TENT4B: variants seen among roughly 807,000 people sequenced by gnomAD.
The protein encoded by TENT4B is PAP associated domain containing 5.
A neutral mutation model predicts 75.0 loss-of-function variants in TENT4B; 10 were observed. That is an observed-to-expected ratio of 0.13 (90% CI 0.08 to 0.23). The LOEUF is 0.23. Ranked by LOEUF, TENT4B falls within the 10% of genes least tolerant of loss-of-function variation. TENT4B has a pLI of 1.00. For synonymous variants in TENT4B, 350 were observed against 357.7 expected (o/e 0.98, Z 0.24); for missense variants, 579 against 893.8 (o/e 0.65, Z 4.49).
intron 1 of TENT4B, among the ~76,000 whole-genome samples, chr16:50,198,828 C>T (rs1471776403): frequency 6.6e-6 from 1 of 152,172 alleles, no homozygotes; most frequent in Admixed American, 6.5e-5. Context: ...CTCGAATAGA[C>T]AGAAATAGCC....
chr16:50,190,424 G>GT (rs1212538161), intron 1 of TENT4B, among the ~76,000 whole-genome samples: 6 of 151,924 alleles, frequency 3.9e-5, no homozygotes, highest in Non-Finnish European at 7.4e-5. Context: ...GTTTCAGAAC[G>GT]TTTTTGCCCC....
At chr16:50,165,634 T>C (rs2150674728) in intron 1 of TENT4B, among the ~76,000 whole-genome samples, 1 of 152,324 alleles carries the variant, frequency 6.6e-6, no homozygotes, top group East Asian at 1.9e-4. Context: ...TCTGTCTCTG[T>C]GGATTTGTTT....
intron 1 of TENT4B, among the ~76,000 whole-genome samples, chr16:50,168,721 C>T (rs2038149825): frequency 6.6e-6 from 1 of 152,090 alleles, no homozygotes; most frequent in South Asian, 2.1e-4. Context: ...CCTGTGCTTA[C>T]TGTACCTTCT....
rs34751373 is a variant in TENT4B, at chr16:50,183,036, T to A, written c.639-28287T>A. ...ACCCGGCTTTCTTGTATTTTTTTTTTATTTTTATTTATTTATTTATTTTTG... is the reference window on the plus strand; with the variant it reads ...ACCCGGCTTTCTTGTATTTTTTTTTAATTTTTATTTATTTATTTATTTTTG... On this transcript the variant is annotated intron_variant, in intron 1 of 11. Transcript: ENST00000561678. Among the ~76,000 whole-genome samples the A allele has an allele frequency of 9.3e-3, 1,404 of 150,234 alleles. 12 individuals are homozygous for A. Among genetic ancestry groups the A allele is most frequent in the Middle Eastern group, 0.027 (8 of 292 alleles).
At chr16:50,206,737 A>G (rs1160373855) in intron 1 of TENT4B, among the ~76,000 whole-genome samples, 6 of 152,072 alleles carry the variant, frequency 3.9e-5, no homozygotes, top group East Asian at 1.9e-4. Context: ...AGAAGCTACT[A>G]AGCAACTCAC....
At chr16:50,198,815 G>A (rs190759731) in intron 1 of TENT4B, among the ~76,000 whole-genome samples, 2 of 152,308 alleles carry the variant, frequency 1.3e-5, no homozygotes, top group Non-Finnish European at 1.5e-5. Context: ...GGTAATCTGA[G>A]CCCTCGAATA....
At chr16:50,154,331 G>T in intron 1 of TENT4B, 72 bp downstream of exon 1, 2 of 1,380,102 alleles carry the variant, frequency 1.4e-6, no homozygotes, top group East Asian at 2.9e-5. Flanking sequence ...CCACAGAGGG[G>T]GGTTGTGAGG....
chr16:50,227,761 C>G (rs900540668), intron 10 of TENT4B, 78 bp from the exon 11 acceptor site: 2 of 1,523,610 alleles, frequency 1.3e-6, no homozygotes, highest in Non-Finnish European at 1.8e-6. Flanking sequence ...GTACTTTAAC[C>G]AAAATTGTTT....
intron 1 of TENT4B, among the ~76,000 whole-genome samples, chr16:50,194,280 A>G (rs1242203396): frequency 1.4e-5 from 2 of 145,620 alleles, no homozygotes; most frequent in African/African-American, 2.6e-5. Flanking sequence ...CAATGGTGCA[A>G]TCTCAGTTCA....
intron 1 of TENT4B, among the ~76,000 whole-genome samples, chr16:50,175,475 A>G (rs2038288100): frequency 6.6e-6 from 1 of 152,098 alleles, no homozygotes. Flanking sequence ...GAAAGATATA[A>G]GATCTATGTC....
chr16:50,232,568 G>A lies in TENT4B; in HGVS notation c.*3240G>A. ...TGGTAAGTGTGACTTGTGTTTGCCTGAACCTGTGGACTAGTGTTTGGGGTT... is the reference window on the plus strand; with the variant it reads ...TGGTAAGTGTGACTTGTGTTTGCCTAAACCTGTGGACTAGTGTTTGGGGTT... On this transcript the variant is annotated 3_prime_UTR_variant, in exon 12 of 12. Coordinates refer to ENST00000561678, the MANE Select transcript of TENT4B (RefSeq NM_001365324.3). The A allele has an allele frequency of 1.0e-6, 1 of 985,284 alleles. No homozygotes were observed. Among genetic ancestry groups the A allele is most frequent in the Non-Finnish European group, 1.2e-6 (1 of 829,918 alleles). 61.0% of individuals were successfully genotyped at this position (985,284 alleles called of 1,614,324 possible). A position where few individuals can be genotyped will look rare whatever the true frequency, so the allele number is the denominator to read the frequency against.
chr16:50,202,609 G>A (rs1286431527), intron 1 of TENT4B, among the ~76,000 whole-genome samples: 2 of 152,074 alleles, frequency 1.3e-5, no homozygotes, highest in African/African-American at 2.4e-5. Context: ...ACCATCAACC[G>A]TTCTTCTTTA....
intron 4 of TENT4B, among the ~76,000 whole-genome samples, chr16:50,216,749 G>A (rs945503513): frequency 1.3e-5 from 2 of 151,970 alleles, no homozygotes; most frequent in Non-Finnish European, 2.9e-5. Context: ...CTAACTCCTG[G>A]ACTCAAGTGA....
rs1039728740 is a variant in TENT4B at position 50,234,417 on chromosome 16, G to C, written c.*5089G>C. On this transcript the variant is annotated 3_prime_UTR_variant, in exon 12 of 12. Transcript: ENST00000561678. Reference sequence around the variant, plus strand: ...GGTTAGGCCATGCCTTTCAAAGAGAGTGAAATGATGGGTTATCAGCCACAT... The same window carrying C: ...GGTTAGGCCATGCCTTTCAAAGAGACTGAAATGATGGGTTATCAGCCACAT... 4.1e-6 allele frequency: 4 copies of C among 985,350 alleles called. No homozygotes were observed. The African/African-American group carries it at 5.2e-5, about 13-fold the overall frequency. The allele number at this position is 985,350 out of a possible 1,614,324, so 61.0% of individuals were successfully genotyped here. A position where few individuals can be genotyped will look rare whatever the true frequency, so the allele number is the denominator to read the frequency against.
intron 1 of TENT4B, among the ~76,000 whole-genome samples, chr16:50,155,272 G>GGGGTGTGT (rs377547594): frequency 0.014 from 1,844 of 135,470 alleles, 49 homozygotes; most frequent in African/African-American, 0.047. Flanking sequence ...GGGTCTCGTG[G>GGGGTGTGT]GTGTGTGTGT....
chr16:50,187,519 G>C (rs970569296), intron 1 of TENT4B, among the ~76,000 whole-genome samples: 1 of 152,162 alleles, frequency 6.6e-6, no homozygotes, highest in African/African-American at 2.4e-5. Context: ...GGAGGCGGAG[G>C]TTGCAGTGAG....
In TENT4B at chr16:50,231,681, T is replaced by C. The variant is rs1472337318; in HGVS notation, c.*2353T>C. On this transcript the variant is annotated 3_prime_UTR_variant, in exon 12 of 12. Transcript: ENST00000561678. ...TTCTTTTTGGTAAACAGTATCTTTCTAAAAGAAAAAAGCATGAAGGAGAAA... is the reference window on the plus strand; with the variant it reads ...TTCTTTTTGGTAAACAGTATCTTTCCAAAAGAAAAAAGCATGAAGGAGAAA... The C allele has an allele frequency of 2.0e-6, 2 of 985,680 alleles. No individual in the cohort carries two copies. The highest frequency in any genetic ancestry group is 3.5e-5 in the African/African-American group (2 of 57,238). 61.1% of individuals were successfully genotyped at this position (985,680 alleles called of 1,614,324 possible). A position where few individuals can be genotyped will look rare whatever the true frequency, so the allele number is the denominator to read the frequency against.
rs1404889070 is a variant in TENT4B, at chr16:50,154,197, C to T, written c.576C>T (p.Gly192=). ...CCGCGGGGGGCGGCCGAGCAGACGG[C>T]GGCGGGGTCGTGTACAGCGGGACCC... ...GRAAGGGRAD[G]GGVVYSGTPW... The change falls in exon 1 of 12, where the codon GGC becomes GGT. Residue 192 remains glycine (G), a synonymous_variant. Transcript: ENST00000561678. The T allele has an allele frequency of 3.3e-6, 5 of 1,501,918 alleles. No homozygotes were observed. The highest frequency in any genetic ancestry group is 2.6e-5 in the East Asian group (1 of 38,942). The allele number at this position is 1,501,918 out of a possible 1,614,324, so 93.0% of individuals were successfully genotyped here.
Position 50,234,285 on chromosome 16 carries a change from C to T in TENT4B, c.*4957C>T. On this transcript the variant is annotated 3_prime_UTR_variant, in exon 12 of 12. Transcript: ENST00000561678. ...CATCTCTTAAAAAAACAAACAAAAA[C>T]CTGAATGGTGAGGTGTGGTGGAATT... 1.0e-6 allele frequency: 1 copy of T among 985,252 alleles called. No individual in the cohort carries two copies. The highest frequency in any genetic ancestry group is 1.2e-6 in the Non-Finnish European group (1 of 829,920). 61.0% of individuals were successfully genotyped at this position (985,252 alleles called of 1,614,324 possible).
Sources: gnomAD v4.1 joint callset for allele counts (sites outside exome capture counted in the v4.1 genomes callset) on GRCh38, gnomAD v4.1.1 for gene constraint, MANE v1.5 for transcripts, NCBI Gene and HGNC (gene_info 2026-07-23, HGNC 2026-07-21) for gene names.